Variants in ANKS1A observed in about 807,000 individuals in gnomAD.
ANKS1A encodes ankyrin repeat and SAM domain-containing protein 1A.
ANKS1A carries 55 observed loss-of-function variants against 120.3 expected under a neutral mutation model. The ratio of observed to expected loss-of-function variants is 0.46; its 90% CI spans 0.37 to 0.57. ANKS1A has a LOEUF of 0.57. ANKS1A is among the 20% of genes least tolerant of loss of function. The probability of loss-of-function intolerance (pLI) is 0.00; values close to 1 mark genes in which losing one functional copy is unlikely to be tolerated. For missense variants in ANKS1A, 1,123 were observed against 1,480.3 expected, an observed-to-expected ratio of 0.76 and a Z score of 3.96; for synonymous variants, 590 against 604.7, an observed-to-expected ratio of 0.98 and a Z score of 0.36.
At chr6:34,896,202 T>C (rs1314682416) in intron 1 of ANKS1A, among the ~76,000 whole-genome samples, 3 of 152,142 alleles carry the variant, frequency 2.0e-5, no homozygotes, top group Admixed American at 6.5e-5. Context: ...CCTGAGTAGC[T>C]GTGATTACAG....
chr6:35,084,307 G>A lies in ANKS1A; in HGVS notation c.3132+49G>A. The A allele has an allele frequency of 1.2e-6, 2 of 1,604,154 alleles. No homozygotes were observed. On this transcript the variant is annotated intron_variant, in intron 21 of 23. Transcript: ENST00000360359. The surrounding 1 kb of genome is among the most constrained non-coding windows in gnomAD (Gnocchi z 4.8). The stretch of plus-strand genomic sequence containing the variant: ...TGGGGCAGGCTTGGGTTGCAGCCCT[G>A]AGGCGTCCAGCCCCATTGCAGGGCA...
intron 9 of ANKS1A, among the ~76,000 whole-genome samples, chr6:34,991,991 C>T (rs1260815731): frequency 6.6e-6 from 1 of 152,030 alleles, no homozygotes; most frequent in East Asian, 1.9e-4. Context: ...CAGTTTATTG[C>T]TTTATTGTGA....
At chr6:34,974,757 AATAAG>A (rs1183027911) in intron 3 of ANKS1A, among the ~76,000 whole-genome samples, 7 of 152,168 alleles carry the variant, frequency 4.6e-5, no homozygotes, top group Non-Finnish European at 8.8e-5. Flanking sequence ...TTGGAGTTTA[AATAAG>A]ATAATATATA....
intron 10 of ANKS1A, among the ~76,000 whole-genome samples, chr6:35,003,539 C>T (rs1034924653): frequency 6.6e-6 from 1 of 152,150 alleles, no homozygotes; most frequent in Non-Finnish European, 1.5e-5. Context: ...AGCATGGATT[C>T]GACCCTGAGG....
At chr6:34,942,170 C>T (rs187235429) in intron 1 of ANKS1A, among the ~76,000 whole-genome samples, 116 of 152,294 alleles carry the variant, frequency 7.6e-4, no homozygotes, top group African/African-American at 2.5e-3. Flanking sequence ...GTTTCTCATA[C>T]GATTCCCCAA....
chr6:35,082,773 A>G lies in ANKS1A; in HGVS notation c.2792A>G (p.Gln931Arg). The change falls in exon 18 of 24, where the codon CAG (glutamine) becomes CGG (arginine). Residue 931 changes from glutamine to arginine, a missense_variant. Around this residue, in one of 3 missense-constraint regions of ANKS1A, gnomAD observed 904 missense variants for 1,130.4 expected, o/e 0.80. Transcript: ENST00000360359. This position sits in a 1 kb window ranked among gnomAD's most constrained non-coding sequence, Gnocchi z 4.1. ...PYAPVQSWQH[Q>R]PEKLIFESCG... ...GCCCCAGTGCAGAGTTGGCAACACC[A>G]GCCAGAGAAACTCATCTTCGAGTCC... is the stretch of plus-strand genomic sequence containing the variant. 6.2e-7 allele frequency: 1 copy of G among 1,614,014 alleles called. No individual in the cohort carries two copies. Among genetic ancestry groups the G allele is most frequent in the South Asian group, 1.1e-5 (1 of 91,080 alleles).
chr6:35,061,721 T>G (rs1273926968), intron 13 of ANKS1A, among the ~76,000 whole-genome samples: 1 of 152,252 alleles, frequency 6.6e-6, no homozygotes, highest in Non-Finnish European at 1.5e-5. Context: ...TTTTTCTTTT[T>G]AAAAGTTAAA....
intron 3 of ANKS1A, among the ~76,000 whole-genome samples, chr6:34,978,150 G>C (rs561581677): frequency 6.6e-6 from 1 of 152,012 alleles, no homozygotes; most frequent in Non-Finnish European, 1.5e-5. Context: ...GTGGAGACAG[G>C]GTTTCACTGT....
Position 35,050,277 on chromosome 6 carries a change from A to AT in ANKS1A, c.2011-3820dup, listed in dbSNP as rs1222242087. On this transcript the variant is annotated intron_variant, in intron 11 of 23. Transcript: ENST00000360359. The surrounding 1 kb of genome is among the most constrained non-coding windows in gnomAD (Gnocchi z 4.3). ...AAGCATTTTTTGAAGACAAGAGTCC[A>AT]TTATGGTGATAACTTTCAAGTCCTT... 6.6e-6 allele frequency among the ~76,000 whole-genome samples: 1 copy of AT among 152,232 alleles called. No homozygotes were observed. The highest frequency in any genetic ancestry group is 1.5e-5 in the Non-Finnish European group (1 of 68,036).
intron 1 of ANKS1A, among the ~76,000 whole-genome samples, chr6:34,904,279 G>A (rs2127450659): frequency 6.6e-6 from 1 of 152,150 alleles, no homozygotes; most frequent in Admixed American, 6.5e-5. Flanking sequence ...GAGACAAATA[G>A]CCTGTACATG....
chr6:35,089,220 C>T lies in ANKS1A; in HGVS notation c.*611C>T, dbSNP rs1778167130. The T allele has an allele frequency of 1.0e-6, 1 of 992,408 alleles. No individual in the cohort carries two copies. Among genetic ancestry groups the T allele is most frequent in the Non-Finnish European group, 1.2e-6 (1 of 833,370 alleles). The allele number at this position is 992,408 out of a possible 1,614,324, so 61.5% of individuals were successfully genotyped here. A position where few individuals can be genotyped will look rare whatever the true frequency, so the allele number is the denominator to read the frequency against. On this transcript the variant is annotated 3_prime_UTR_variant, in exon 24 of 24. Transcript: ENST00000360359. ...TTTCAGGGGCTAGACACAGGCTTCTCGTAAGAACACAGCCTTAGAGGCACC... is the reference window on the plus strand; with the variant it reads ...TTTCAGGGGCTAGACACAGGCTTCTTGTAAGAACACAGCCTTAGAGGCACC...
chr6:34,898,763 C>T (rs1176463915), intron 1 of ANKS1A, among the ~76,000 whole-genome samples: 1 of 151,712 alleles, frequency 6.6e-6, no homozygotes, highest in Non-Finnish European at 1.5e-5. Flanking sequence ...TTTGTATATA[C>T]TTTGTCTCAT....
chr6:34,950,665 AAC>A (rs1770050176), intron 1 of ANKS1A, among the ~76,000 whole-genome samples: 1 of 152,174 alleles, frequency 6.6e-6, no homozygotes, highest in African/African-American at 2.4e-5. Flanking sequence ...ACTTAAAGGA[AAC>A]ATCAAGGCTA....
At chr6:34,969,321 TCAG>T (rs1771064486) in intron 2 of ANKS1A, among the ~76,000 whole-genome samples, 1 of 152,190 alleles carries the variant, frequency 6.6e-6, no homozygotes, top group Non-Finnish European at 1.5e-5. Context: ...TGGCGTAATC[TCAG>T]CTCACTACAA....
chr6:34,985,397 G>C, intron 8 of ANKS1A, 119 bp downstream of exon 8: 1 of 987,772 alleles, frequency 1.0e-6, no homozygotes, highest in Non-Finnish European at 1.5e-6. Flanking sequence ...CCGGGGCCTG[G>C]AGCCCACTTA....
At chr6:34,946,447 G>A (rs1007468837) in intron 1 of ANKS1A, among the ~76,000 whole-genome samples, 1 of 152,006 alleles carries the variant, frequency 6.6e-6, no homozygotes, top group African/African-American at 2.4e-5. Flanking sequence ...TATTAGTCGG[G>A]CATGGTGGTG....
At chr6:34,892,825 C>T (rs1766887848) in intron 1 of ANKS1A, among the ~76,000 whole-genome samples, 1 of 152,198 alleles carries the variant, frequency 6.6e-6, no homozygotes, top group Admixed American at 6.5e-5. Context: ...ATAATGTTTA[C>T]ATATAGCAAC....
At chr6:34,902,781 C>T (rs542940710) in intron 1 of ANKS1A, among the ~76,000 whole-genome samples, 6 of 145,124 alleles carry the variant, frequency 4.1e-5, no homozygotes, top group East Asian at 4.1e-4. Flanking sequence ...CCACCCCGGG[C>T]GACAAAGCAA....
At chr6:35,087,688 TG>T (rs1778068503) in intron 23 of ANKS1A, among the ~76,000 whole-genome samples, 1 of 152,234 alleles carries the variant, frequency 6.6e-6, no homozygotes. Context: ...CTCAGTGATG[TG>T]GCTGGACCAG....
Sources: allele counts gnomAD v4.1 joint callset (sites outside exome capture counted in the v4.1 genomes callset), GRCh38; gene constraint gnomAD v4.1.1; regional missense constraint gnomAD v4.1.1; non-coding constraint Gnocchi (gnomAD v3.1); transcripts MANE v1.5; gene names NCBI Gene and HGNC (gene_info 2026-07-23, HGNC 2026-07-21).